MARCHF1: variants seen among roughly 807,000 people sequenced by gnomAD.
The protein encoded by MARCHF1 is membrane associated ring-CH-type finger 1.
In MARCHF1, 40 loss-of-function variants were observed where a neutral mutation model predicts 54.2. The ratio of observed to expected loss-of-function variants is 0.74; its 90% CI spans 0.57 to 0.96. The LOEUF is 0.96. Among genes scored for constraint, MARCHF1 ranks in the 40% least tolerant of loss-of-function variants. MARCHF1 has a pLI of 0.00. For missense variants in MARCHF1, 586 were observed against 656.5 expected (o/e 0.89, Z 1.17); for synonymous variants, 236 against 236.3 (o/e 1.00, Z 0.01).
chr4:164,049,868 AT>A (rs1754322235), intron 2 of MARCHF1, among the ~76,000 whole-genome samples: 2 of 152,160 alleles, frequency 1.3e-5, no homozygotes, highest in African/African-American at 4.8e-5. Context: ...AAAAACTCAA[AT>A]GTATATATCT....
intron 1 of MARCHF1, among the ~76,000 whole-genome samples, chr4:164,218,673 G>C (rs1011220596): frequency 3.5e-5 from 5 of 140,938 alleles, no homozygotes; most frequent in Non-Finnish European, 6.2e-5. Flanking sequence ...ACACAGGAAG[G>C]GGAACATCAC....
intron 1 of MARCHF1, among the ~76,000 whole-genome samples, chr4:164,346,446 T>A (rs996653914): frequency 1.3e-5 from 2 of 151,946 alleles, no homozygotes; most frequent in African/African-American, 4.8e-5. Flanking sequence ...GTTGCACTGA[T>A]TGCATATACT....
chr4:163,530,990 C>A (rs1432685924), intron 9 of MARCHF1, among the ~76,000 whole-genome samples: 1 of 151,782 alleles, frequency 6.6e-6, no homozygotes, highest in African/African-American at 2.4e-5. Flanking sequence ...GAAATTAAAT[C>A]AACCATAACC....
At chr4:164,346,654 A>G (rs972381476) in intron 1 of MARCHF1, among the ~76,000 whole-genome samples, 47 of 44,948 alleles carry the variant, frequency 1.0e-3, no homozygotes, top group South Asian at 2.4e-3. Flanking sequence ...ATATATATAT[A>G]TATATATATA....
chr4:163,689,509 A>T (rs13139224), intron 5 of MARCHF1, among the ~76,000 whole-genome samples: 7 of 152,286 alleles, frequency 4.6e-5, no homozygotes, highest in Non-Finnish European at 8.8e-5. Flanking sequence ...GGCCAGCAAA[A>T]TTGAAGAACT....
At chr4:164,074,644 T>C (rs1260099272) in intron 2 of MARCHF1, among the ~76,000 whole-genome samples, 8 of 152,104 alleles carry the variant, frequency 5.3e-5, no homozygotes, top group African/African-American at 1.4e-4. Context: ...ATTTTAAAAG[T>C]ATGCAGTAAA....
At chr4:164,098,263 G>T (rs1039202965) in intron 2 of MARCHF1, among the ~76,000 whole-genome samples, 1 of 152,074 alleles carries the variant, frequency 6.6e-6, no homozygotes, top group African/African-American at 2.4e-5. Context: ...TTGTTGGCTG[G>T]TATTTTCTGG....
chr4:164,025,913 T>G (rs1753757893), intron 2 of MARCHF1, among the ~76,000 whole-genome samples: 1 of 151,750 alleles, frequency 6.6e-6, no homozygotes, highest in Admixed American at 6.6e-5. Flanking sequence ...CACAGAAATA[T>G]AAAAGATTAT....
Position 164,274,546 on chromosome 4 carries a change from T to C in MARCHF1, c.-323+109324A>G, listed in dbSNP as rs113704330. On this transcript the variant is annotated intron_variant, in intron 1 of 9. Coordinates refer to ENST00000514618, the MANE Select transcript of MARCHF1 (RefSeq NM_001394959.1). ...GAGATCATTTCCAAATTCCCCAGTG[T>C]TCATATTTGTCAGTGCAAGTAAAGA... Among the ~76,000 whole-genome samples, 347 of 152,122 alleles carry C rather than the reference T, an allele frequency of 2.3e-3. 1 individual carries two copies. Among genetic ancestry groups the C allele is most frequent in the African/African-American group, 8.0e-3 (333 of 41,502 alleles).
chr4:163,676,167 C>T (rs1743906740), intron 5 of MARCHF1, among the ~76,000 whole-genome samples: 1 of 141,398 alleles, frequency 7.1e-6, no homozygotes, highest in Admixed American at 7.2e-5. Context: ...TGGTGTAACC[C>T]CATCTCTACT....
chr4:164,118,062 G>T (rs1243228083), intron 1 of MARCHF1, among the ~76,000 whole-genome samples: 1 of 151,776 alleles, frequency 6.6e-6, no homozygotes, highest in Non-Finnish European at 1.5e-5. Flanking sequence ...TTTAAGCAAA[G>T]AGATAAAAAG....
intron 2 of MARCHF1, among the ~76,000 whole-genome samples, chr4:164,091,410 T>TTTTATATATATATATATATA (rs145149996): frequency 7.7e-4 from 106 of 136,906 alleles, no homozygotes; most frequent in African/African-American, 2.5e-3. Flanking sequence ...TCACCAAGTT[T>TTTTATATATATATATATATA]TATATATATA....
At chr4:163,537,763 T>C (rs1021914334) in intron 9 of MARCHF1, among the ~76,000 whole-genome samples, 1 of 152,248 alleles carries the variant, frequency 6.6e-6, no homozygotes, top group East Asian at 1.9e-4. Context: ...GTCTCTCATA[T>C]TAACTTTAAT....
intron 1 of MARCHF1, among the ~76,000 whole-genome samples, chr4:164,310,270 GT>G (rs920986248): frequency 2.6e-5 from 4 of 151,922 alleles, no homozygotes; most frequent in African/African-American, 9.7e-5. Context: ...TAGAGACAGG[GT>G]TTCACCATGT....
intron 4 of MARCHF1, among the ~76,000 whole-genome samples, chr4:163,764,184 A>G (rs1197904554): frequency 6.6e-6 from 1 of 152,048 alleles, no homozygotes; most frequent in East Asian, 1.9e-4. Context: ...ATTCAATGAG[A>G]CTTAGGAAGA....
chr4:163,542,389 C>G (rs2110905307), intron 9 of MARCHF1, among the ~76,000 whole-genome samples: 1 of 152,308 alleles, frequency 6.6e-6, no homozygotes, highest in South Asian at 2.1e-4. Flanking sequence ...CCCCCAACTG[C>G]TCTGAGCAGG....
chr4:164,144,309 C>T (rs1002690535), intron 1 of MARCHF1, among the ~76,000 whole-genome samples: 2 of 151,804 alleles, frequency 1.3e-5, no homozygotes, highest in South Asian at 2.1e-4. Flanking sequence ...CTCAGCTCTG[C>T]ACCAAGGGGA....
At chr4:163,779,413 A>C (rs1029006821) in intron 4 of MARCHF1, among the ~76,000 whole-genome samples, 5 of 152,192 alleles carry the variant, frequency 3.3e-5, no homozygotes, top group Non-Finnish European at 7.3e-5. Flanking sequence ...AGGTTTAATT[A>C]CTGCCTCTTG....
chr4:163,911,770 A>G (rs1258329510), intron 3 of MARCHF1, among the ~76,000 whole-genome samples: 1 of 152,210 alleles, frequency 6.6e-6, no homozygotes, highest in Non-Finnish European at 1.5e-5. Flanking sequence ...TGATATGCAC[A>G]GAGGAAAAGC....
Sources: allele counts gnomAD v4.1 joint callset (sites outside exome capture counted in the v4.1 genomes callset), GRCh38; gene constraint gnomAD v4.1.1; transcripts MANE v1.5; gene names NCBI Gene and HGNC (gene_info 2026-07-23, HGNC 2026-07-21).